The following SF3A3 variants were observed in gnomAD, a reference collection of about 807,000 sequenced individuals.
SF3A3 encodes the protein SAP 61.
A neutral mutation model predicts 85.8 loss-of-function variants in SF3A3; 9 were observed. The observed-to-expected ratio is 0.10, with a 90% CI of 0.06 to 0.18. The LOEUF (loss-of-function observed/expected upper bound fraction) is 0.18, where lower values mean the gene tolerates loss of function less well. Among genes scored for constraint, SF3A3 ranks in the 10% least tolerant of loss-of-function variants. The pLI is 1.00. For synonymous variants in SF3A3, 195 were observed against 204.4 expected (o/e 0.95, Z 0.39); for missense variants, 306 against 593.3 (o/e 0.52, Z 5.03).
chr1:37,960,221 G>GTT, intron 15 of SF3A3, 46 bp from the exon 16 acceptor site: 1 of 1,562,746 alleles, frequency 6.4e-7, no homozygotes, highest in South Asian at 1.1e-5. Context: ...CTGAACATCT[G>GTT]TTGGGTATCC....
rs148320478 is a variant in SF3A3 at position 37,959,850 on chromosome 1, CGAGAGACAGAG to C, written c.1428+259_1428+269del. 8.8e-3 allele frequency among the ~76,000 whole-genome samples: 1,328 copies of C among 150,478 alleles called. 43 individuals are homozygous for C. The highest frequency in any genetic ancestry group is 0.075 in the East Asian group (383 of 5,108). On this transcript the variant is annotated intron_variant, in intron 16 of 16. Coordinates refer to ENST00000373019, the MANE Select transcript of SF3A3 (RefSeq NM_006802.4). ...GCGGGCGCCTGTAATCTCAGCTACT[CGAGAGACAGAG>C]GCAGGAGAATTGCTGGAACCCAGGA...
At chr1:37,980,889 ACCCAGG>A (rs1186730034) in intron 7 of SF3A3, 165 bp from the exon 8 acceptor site, 3 of 412,278 alleles carry the variant, frequency 7.3e-6, no homozygotes, top group African/African-American at 3.0e-5. Context: ...CGCTCCTCTT[ACCCAGG>A]CTGGAGTGCA....
At chr1:37,978,593 G>T in intron 11 of SF3A3, 127 bp downstream of exon 11, 1 of 619,574 alleles carries the variant, frequency 1.6e-6, no homozygotes, top group Non-Finnish European at 2.9e-6. Flanking sequence ...GAGATAAAGA[G>T]CAGACTGGAT....
At chr1:37,966,373 C>G (rs1217452046) in intron 15 of SF3A3, among the ~76,000 whole-genome samples, 1 of 152,140 alleles carries the variant, frequency 6.6e-6, no homozygotes. Flanking sequence ...ACATGCACTC[C>G]GCTTCACTTT....
chr1:37,989,001 G>A (rs941823887), intron 2 of SF3A3, among the ~76,000 whole-genome samples: 2 of 151,912 alleles, frequency 1.3e-5, no homozygotes, highest in Admixed American at 1.3e-4. Context: ...GTAAGAATGG[G>A]CACGTGTAAG....
intron 16 of SF3A3, 97 bp from the exon 17 acceptor site, chr1:37,958,360 T>C (rs1570449567): frequency 1.2e-6 from 1 of 813,622 alleles, no homozygotes; most frequent in Admixed American, 1.8e-5. Context: ...CCTGATTCCA[T>C]GGCATACTCT....
intron 16 of SF3A3, 39 bp from the exon 17 acceptor site, chr1:37,958,302 T>A: frequency 6.9e-7 from 1 of 1,439,700 alleles, no homozygotes; most frequent in Non-Finnish European, 9.8e-7. Context: ...ACAGCTCTCC[T>A]AAAAGAAATG....
At chr1:37,987,700 A>G (rs1432527080) in intron 3 of SF3A3, 22 bp from the exon 4 acceptor site, 1 of 1,611,474 alleles carries the variant, frequency 6.2e-7, no homozygotes, top group Non-Finnish European at 8.5e-7. Context: ...GGAAAATTTC[A>G]AAGAAGATAG....
At chr1:37,961,774 A>AAAAAG (rs1646260683) in intron 15 of SF3A3, among the ~76,000 whole-genome samples, 1 of 146,188 alleles carries the variant, frequency 6.8e-6, no homozygotes, top group South Asian at 2.2e-4. Flanking sequence ...AAAAAAAAAA[A>AAAAAG]AAAAAAAAAG....
At chr1:37,977,277 A>C (rs1197134439) in intron 11 of SF3A3, among the ~76,000 whole-genome samples, 1 of 152,208 alleles carries the variant, frequency 6.6e-6, no homozygotes, top group African/African-American at 2.4e-5. Flanking sequence ...CTAGGCCCAA[A>C]TCCTGACTCT....
chr1:37,977,050 A>G (rs1646383939), intron 11 of SF3A3, 97 bp from the exon 12 acceptor site: 1 of 834,460 alleles, frequency 1.2e-6, no homozygotes, highest in Non-Finnish European at 2.1e-6. Flanking sequence ...TGCATTAAAA[A>G]TTATAAGCAC....
intron 12 of SF3A3, among the ~76,000 whole-genome samples, chr1:37,975,555 TGTCAA>T (rs1318084914): frequency 6.6e-6 from 1 of 150,644 alleles, no homozygotes. Flanking sequence ...ACAAATCTCA[TGTCAA>T]GGGCATGAGT....
intron 12 of SF3A3, among the ~76,000 whole-genome samples, chr1:37,971,081 T>C (rs891519504): frequency 6.6e-6 from 1 of 151,952 alleles, no homozygotes; most frequent in South Asian, 2.1e-4. Context: ...GCTGGTTTTT[T>C]GAAAAGATCA....
chr1:37,985,834 CCT>C (rs966949667), intron 4 of SF3A3, among the ~76,000 whole-genome samples: 3 of 152,054 alleles, frequency 2.0e-5, no homozygotes, highest in South Asian at 4.2e-4. Context: ...CAATAAACAG[CCT>C]CTATTTTTTG....
chr1:37,979,545 A>G lies in SF3A3; in HGVS notation c.691-12T>C. 1 of 1,603,930 alleles carries G rather than the reference A, an allele frequency of 6.2e-7. No individual in the cohort carries two copies. ...CTGCTTGTCTCTTTCTGGAAAGAAC[A>G]ATATGGTATTTATTAAGATCCAGGT... On this transcript the variant is annotated splice_polypyrimidine_tract_variant and intron_variant, in intron 8 of 16. Transcript: ENST00000373019.
At chr1:37,969,268 G>A in intron 14 of SF3A3, 86 bp downstream of exon 14, 1 of 945,560 alleles carries the variant, frequency 1.1e-6, no homozygotes. Context: ...GACACCAGTG[G>A]TCCACATAGG....
In SF3A3 at chr1:37,984,704, T is replaced by TA. The variant is rs757442773; in HGVS notation, c.376+2dup. 1 of 1,609,058 alleles carries TA rather than the reference T, an allele frequency of 6.2e-7. No individual in the cohort carries two copies. Among genetic ancestry groups the TA allele is most frequent in the Non-Finnish European group, 8.5e-7 (1 of 1,175,336 alleles). ...GCTGAATGAAATTTTCACCCCTACT[T>TA]ACTTTGTGCCTCTTCACTTGGATTC... On this transcript the variant is annotated splice_region_variant and intron_variant, in intron 5 of 16. Coordinates refer to ENST00000373019, the MANE Select transcript of SF3A3 (RefSeq NM_006802.4).
At chr1:37,982,863 G>A (rs1646429225) in intron 6 of SF3A3, among the ~76,000 whole-genome samples, 2 of 152,046 alleles carry the variant, frequency 1.3e-5, no homozygotes. Flanking sequence ...GAGAAGCTGA[G>A]GCAGGAGGAT....
rs769134456 is a variant in SF3A3, at chr1:37,979,007, A to G, written c.808T>C (p.Leu270=). The G allele has an allele frequency of 3.1e-5, 50 of 1,614,068 alleles. No homozygotes were observed. The highest frequency in any genetic ancestry group is 1.6e-4 in the Middle Eastern group (1 of 6,062). ...LDRLKSALLA[L]GLKCGGTLEE... ...CCTTACCCGCCACATTTCAAGCCTA[A>G]AGCTAAGAGAGCAGATTTCAATCTG... Residue 270 remains leucine (L), a synonymous_variant, in exon 10 of 17, where the codon TTA becomes CTA. Coordinates refer to ENST00000373019, the MANE Select transcript of SF3A3 (RefSeq NM_006802.4).
Sources: gnomAD v4.1 joint callset for allele counts (sites outside exome capture counted in the v4.1 genomes callset) on GRCh38, gnomAD v4.1.1 for gene constraint, MANE v1.5 for transcripts, NCBI Gene and HGNC (gene_info 2026-07-23, HGNC 2026-07-21) for gene names.